The following WNK2 variants were observed in gnomAD, a reference collection of about 807,000 sequenced individuals.
The protein encoded by WNK2 is serine/threonine-protein kinase WNK2.
Under a neutral mutation model 192.1 loss-of-function variants are expected in WNK2, and 67 were observed. That is an observed-to-expected ratio of 0.35 (90% CI 0.29 to 0.43). The LOEUF (loss-of-function observed/expected upper bound fraction) is 0.43, where lower values mean the gene tolerates loss of function less well. Among genes scored for constraint, WNK2 ranks in the 20% least tolerant of loss-of-function variants. WNK2 has a pLI of 1.00. For synonymous variants in WNK2, 1,439 were observed against 1,393.9 expected (o/e 1.03, Z -0.72); for missense variants, 2,698 against 3,089.7 (o/e 0.87, Z 3.01).
At chr9:93,266,613 G>A (rs1361340214) in intron 16 of WNK2, among the ~76,000 whole-genome samples, 1 of 152,192 alleles carries the variant, frequency 6.6e-6, no homozygotes, top group East Asian at 1.9e-4. Context: ...ACTCCTCTTA[G>A]ACAACATTGC....
chr9:93,259,567 C>A lies in WNK2; in HGVS notation c.3019C>A (p.Pro1007Thr). The A allele has an allele frequency of 6.3e-7, 1 of 1,594,318 alleles. No individual in the cohort carries two copies. The change falls in exon 12 of 30, where the codon CCC becomes ACC. Residue 1007 changes from proline (P) to threonine (T), a missense_variant. Physicochemically the swap from Pro to Thr is conservative, Grantham distance 38 (BLOSUM62 -1). Transcript: ENST00000427277. This position sits in a 1 kb window ranked among gnomAD's most constrained non-coding sequence, Gnocchi z 4.8. ...GCCTGTGCGCCCTGAGCCCCTCCAG[C>A]CCCACCTTCCTGAACAAGCTGCTCC... ...ALPVRPEPLQ[P>T]HLPEQAAPAA...
Position 93,292,293 on chromosome 9 carries a change from C to A in WNK2, c.4937-15C>A. 1.9e-6 allele frequency: 3 copies of A among 1,613,698 alleles called. No homozygotes were observed. Among genetic ancestry groups the A allele is most frequent in the Non-Finnish European group, 2.5e-6 (3 of 1,179,716 alleles). On this transcript the variant is annotated splice_polypyrimidine_tract_variant and intron_variant, in intron 21 of 29. Coordinates refer to ENST00000427277, the MANE Select transcript of WNK2 (RefSeq NM_006648.4). Reference sequence around the variant, plus strand: ...TCCTCCTTCAGCCCCAGTAACGTTTCTGATGTTCCCATAGCAGAGTCGTCT... The same window carrying A: ...TCCTCCTTCAGCCCCAGTAACGTTTATGATGTTCCCATAGCAGAGTCGTCT...
intron 19 of WNK2, among the ~76,000 whole-genome samples, chr9:93,280,267 G>T (rs1044310408): frequency 5.9e-5 from 9 of 152,128 alleles, no homozygotes; most frequent in Non-Finnish European, 1.3e-4. Flanking sequence ...GGATGCCAAA[G>T]GGGTGTATGA....
chr9:93,256,998 G>T lies in WNK2; in HGVS notation c.2241G>T (p.Gln747His). The change falls in exon 11 of 30, where the codon CAG (glutamine) becomes CAT (histidine). Residue 747 changes from glutamine (Q) to histidine (H), a missense_variant. Gln to His is a conservative substitution (Grantham distance 24). Transcript: ENST00000427277. ...PTPLPQVLAP[Q>H]PVVPLQPVPP... ...CCCTGCCGCAGGTCCTGGCCCCACA[G>T]CCCGTGGTCCCCCTCCAGCCGGTTC... 2 of 1,598,340 alleles carry T rather than the reference G, an allele frequency of 1.3e-6. No homozygotes were observed. Among genetic ancestry groups the T allele is most frequent in the South Asian group, 1.1e-5 (1 of 89,724 alleles).
rs201742951 is a variant in WNK2, at chr9:93,186,089, GT to G, written c.681+480del. Among the ~76,000 whole-genome samples, 1,046 of 152,198 alleles carry G rather than the reference GT, an allele frequency of 6.9e-3. 15 individuals are homozygous for G. Among genetic ancestry groups the G allele is most frequent in the African/African-American group, 0.024 (996 of 41,538 alleles). On this transcript the variant is annotated intron_variant, in intron 2 of 29. Transcript: ENST00000427277. ...GCTGCCCATAAATTAGTACTTTCCT[GT>G]GTCCAGCAAGCCGTGGCTGCCCCAG...
intron 23 of WNK2, among the ~76,000 whole-genome samples, chr9:93,295,339 CCCTT>C (rs1850081738): frequency 6.6e-6 from 1 of 152,176 alleles, no homozygotes; most frequent in African/African-American, 2.4e-5. Flanking sequence ...AAATAGTACT[CCCTT>C]CCAGAAGATC....
intron 2 of WNK2, among the ~76,000 whole-genome samples, chr9:93,228,477 T>C (rs538560265): frequency 6.6e-6 from 1 of 152,294 alleles, no homozygotes; most frequent in Admixed American, 6.5e-5. Context: ...TGCTCTTCTG[T>C]GTTTAGTTAT....
chr9:93,215,028 A>G (rs1035882585), intron 2 of WNK2, among the ~76,000 whole-genome samples: 1 of 151,884 alleles, frequency 6.6e-6, no homozygotes, highest in African/African-American at 2.4e-5. Flanking sequence ...AACTGCAGGC[A>G]TGTGCCACTA....
chr9:93,196,271 G>A (rs1042179943), intron 2 of WNK2, among the ~76,000 whole-genome samples: 3 of 152,130 alleles, frequency 2.0e-5, no homozygotes, highest in Non-Finnish European at 2.9e-5. Context: ...GGCACTGTGC[G>A]TGCTTGCTCT....
chr9:93,247,674 G>A lies in WNK2; in HGVS notation c.1674G>A (p.Val558=), dbSNP rs1278266288. ...TGCAGCCCAAGGAGCAGCAGGATGT[G>A]GGCAGCCCGGACAAGGCCAGGGGTC... ...PALQPKEQQD[V]GSPDKARGPP... The change falls in exon 8 of 30, where the codon GTG becomes GTA. Residue 558 remains valine, a synonymous_variant. Coordinates refer to ENST00000427277, the MANE Select transcript of WNK2 (RefSeq NM_006648.4). This position sits in a 1 kb window ranked among gnomAD's most constrained non-coding sequence, Gnocchi z 5.2. 1.3e-6 allele frequency: 2 copies of A among 1,575,992 alleles called. No individual in the cohort carries two copies.
At chr9:93,318,948 A>G in intron 29 of WNK2, 1 of 1,429,556 alleles carries the variant, frequency 7.0e-7, no homozygotes, top group African/African-American at 1.4e-5. Flanking sequence ...ATTTTGGTTC[A>G]AATCTATTAT....
At chr9:93,295,158 TCCAGGGCACCCCCTGTGTCGGAG>T (rs1463237989) in intron 23 of WNK2, among the ~76,000 whole-genome samples, 1 of 152,108 alleles carries the variant, frequency 6.6e-6, no homozygotes, top group Admixed American at 6.5e-5. Flanking sequence ...CTTGGAGTGG[TCCAGGGCACCCCCTGTGTCGGAG>T]CCACATTGCA....
intron 25 of WNK2, 75 bp downstream of exon 25, chr9:93,299,336 C>A: frequency 6.8e-7 from 1 of 1,472,888 alleles, no homozygotes. Flanking sequence ...GGAGCACGCC[C>A]GTGTTGTGTA....
intron 26 of WNK2, chr9:93,306,502 T>C (rs999327196): frequency 1.1e-5 from 5 of 444,730 alleles, no homozygotes; most frequent in South Asian, 6.3e-5. Context: ...TCTTTTACTT[T>C]TCTTAGAATA....
chr9:93,211,245 C>T (rs62646613), intron 2 of WNK2, among the ~76,000 whole-genome samples: 1 of 26,536 alleles, frequency 3.8e-5, no homozygotes, highest in Non-Finnish European at 7.3e-5. Context: ...CACTCATTCA[C>T]TCACTCACTC....
At chr9:93,318,698 G>A in intron 29 of WNK2, 1 of 1,471,748 alleles carries the variant, frequency 6.8e-7, no homozygotes, top group Non-Finnish European at 9.0e-7. Context: ...GGAGACCTGT[G>A]GCTCTGCTCA....
intron 29 of WNK2, 167 bp downstream of exon 29, chr9:93,317,798 C>T: frequency 6.7e-7 from 1 of 1,485,820 alleles, no homozygotes; most frequent in Non-Finnish European, 9.0e-7. Context: ...TGCCAGTCTT[C>T]TTGCAGCCAC....
At chr9:93,319,132 T>C (rs774582885) in intron 29 of WNK2, 8 of 1,614,164 alleles carry the variant, frequency 5.0e-6, no homozygotes, top group African/African-American at 2.7e-5. Context: ...CCCTTCCTTG[T>C]ACATGGTGGT....
intron 2 of WNK2, among the ~76,000 whole-genome samples, chr9:93,223,157 C>A (rs975494313): frequency 1.3e-5 from 2 of 152,226 alleles, no homozygotes; most frequent in African/African-American, 4.8e-5. Flanking sequence ...AGAGCTCTGT[C>A]AGGCCTCCCC....
Sources: gnomAD v4.1 joint callset for allele counts (sites outside exome capture counted in the v4.1 genomes callset) on GRCh38, gnomAD v4.1.1 for gene constraint, Gnocchi (gnomAD v3.1) non-coding constraint, MANE v1.5 for transcripts, NCBI Gene and HGNC (gene_info 2026-07-23, HGNC 2026-07-21) for gene names.